The following EPHA6 variants were observed in gnomAD, a reference collection of about 807,000 sequenced individuals.
The protein encoded by EPHA6 is EPH receptor A6.
A neutral mutation model predicts 112.0 loss-of-function variants in EPHA6; 50 were observed. The observed-to-expected ratio is 0.45, with a 90% CI of 0.36 to 0.56. The LOEUF is 0.56. EPHA6 is among the 20% of genes least tolerant of loss of function. The probability of loss-of-function intolerance (pLI) is 0.00; values close to 1 mark genes in which losing one functional copy is unlikely to be tolerated. For missense variants in EPHA6, 1,280 were observed against 1,417.4 expected, an observed-to-expected ratio of 0.90 and a Z score of 1.56; for synonymous variants, 529 against 490.7, an observed-to-expected ratio of 1.08 and a Z score of -1.03.
chr3:97,029,622 G>A (rs925349890), intron 3 of EPHA6, among the ~76,000 whole-genome samples: 1 of 152,086 alleles, frequency 6.6e-6, no homozygotes, highest in Non-Finnish European at 1.5e-5. Context: ...AAGAGGAAAA[G>A]AAATTAATGG....
intron 14 of EPHA6, among the ~76,000 whole-genome samples, chr3:97,692,715 A>T (rs898306099): frequency 2.6e-5 from 4 of 152,198 alleles, no homozygotes; most frequent in Admixed American, 2.0e-4. Flanking sequence ...AACTTTTCTG[A>T]AACATTATGT....
intron 5 of EPHA6, among the ~76,000 whole-genome samples, chr3:97,301,314 A>G (rs975126257): frequency 6.6e-6 from 1 of 152,158 alleles, no homozygotes; most frequent in African/African-American, 2.4e-5. Flanking sequence ...AAGGATCACT[A>G]TGAATTCAGC....
intron 2 of EPHA6, among the ~76,000 whole-genome samples, chr3:96,869,265 A>G (rs1438128933): frequency 6.6e-6 from 1 of 151,980 alleles, no homozygotes; most frequent in Non-Finnish European, 1.5e-5. Context: ...ACTAGGCCAA[A>G]GAATGTGTCT....
In EPHA6 at chr3:96,827,835, A is replaced by G. The variant is rs151125434; in HGVS notation, c.385+12827A>G. ...GGTCCCAAATTCCTTTGCATGAATTAAATGGATAGACTTGTTTGGCTGCTA... is the reference window on the plus strand; with the variant it reads ...GGTCCCAAATTCCTTTGCATGAATTGAATGGATAGACTTGTTTGGCTGCTA... On this transcript the variant is annotated intron_variant, in intron 1 of 17. Coordinates refer to ENST00000389672, the MANE Select transcript of EPHA6 (RefSeq NM_001080448.3). Among the ~76,000 whole-genome samples, 29 of 152,294 alleles carry G rather than the reference A, an allele frequency of 1.9e-4. No homozygotes were observed. The East Asian group carries it at 5.4e-3, about 28-fold the overall frequency.
chr3:97,514,729 G>A (rs1459125810), intron 10 of EPHA6, among the ~76,000 whole-genome samples: 5 of 152,098 alleles, frequency 3.3e-5, no homozygotes, highest in Admixed American at 2.0e-4. Flanking sequence ...TCTGGTGATA[G>A]GATTGTTAGC....
intron 9 of EPHA6, among the ~76,000 whole-genome samples, chr3:97,479,741 G>A (rs1217035630): frequency 6.6e-6 from 1 of 152,206 alleles, no homozygotes. Context: ...TGTAGGGACT[G>A]TCTTTTAAAT....
rs1013424745 is a variant in EPHA6, at chr3:97,188,993, ATTT to A, written c.1115-37269_1115-37267del. On this transcript the variant is annotated intron_variant, in intron 3 of 17. Transcript: ENST00000389672. The stretch of plus-strand genomic sequence containing the variant: ...AAAATTGCTATTATTATATTTTATA[ATTT>A]TATATTATCTTTACGATAAAAATTG... Among the ~76,000 whole-genome samples, 12 of 151,932 alleles carry A rather than the reference ATTT, an allele frequency of 7.9e-5. No homozygotes were observed. The East Asian group carries it at 2.3e-3, about 29-fold the overall frequency.
intron 3 of EPHA6, among the ~76,000 whole-genome samples, chr3:97,147,840 T>G (rs1275173997): frequency 3.3e-5 from 5 of 152,026 alleles, no homozygotes; most frequent in Admixed American, 3.3e-4. Flanking sequence ...GTATTCTGGA[T>G]TCAGTACTAG....
chr3:97,160,386 C>T (rs1447577115), intron 3 of EPHA6, among the ~76,000 whole-genome samples: 1 of 152,084 alleles, frequency 6.6e-6, no homozygotes, highest in Non-Finnish European at 1.5e-5. Flanking sequence ...AAGCGATTCT[C>T]CTGCCTCAGC....
At chr3:97,543,599 A>T (rs1172904044) in intron 11 of EPHA6, among the ~76,000 whole-genome samples, 2 of 152,266 alleles carry the variant, frequency 1.3e-5, no homozygotes, top group African/African-American at 4.8e-5. Flanking sequence ...GTTCCATATG[A>T]ACTTTAAAGT....
chr3:96,898,242 T>G (rs75349000), intron 2 of EPHA6, among the ~76,000 whole-genome samples: 10,540 of 152,232 alleles, frequency 0.069, 723 homozygotes, highest in Admixed American at 0.21. Context: ...TTGAAAAATA[T>G]TAAAGCAGTG....
chr3:96,931,806 C>T (rs2040340455), intron 2 of EPHA6, among the ~76,000 whole-genome samples: 1 of 152,196 alleles, frequency 6.6e-6, no homozygotes, highest in African/African-American at 2.4e-5. Context: ...CAGAATACCG[C>T]TGCTTGGCTC....
chr3:97,543,637 C>T (rs1489301574), intron 11 of EPHA6, among the ~76,000 whole-genome samples: 2 of 152,050 alleles, frequency 1.3e-5, no homozygotes, highest in African/African-American at 2.4e-5. Context: ...TGAAGAAAGT[C>T]GTTGGTAGCT....
In EPHA6 at chr3:97,736,464, A is replaced by AGT. The variant is rs1553681773; in HGVS notation, c.3128+347_3128+348insTG. Reference sequence around the variant, plus strand: ...TTTAGAAGTAGAGAGAGAGAGAGAGAGAGAGAGTGTGTGTGTGTGTGTGTG... The same window carrying AGT: ...TTTAGAAGTAGAGAGAGAGAGAGAGAGTGAGAGAGTGTGTGTGTGTGTGTGTG... On this transcript the variant is annotated intron_variant, in intron 16 of 17. Coordinates refer to ENST00000389672, the MANE Select transcript of EPHA6 (RefSeq NM_001080448.3). 1.9e-3 allele frequency among the ~76,000 whole-genome samples: 268 copies of AGT among 143,322 alleles called. 1 individual carries two copies. Among genetic ancestry groups the AGT allele is most frequent in the East Asian group, 3.6e-3 (17 of 4,762 alleles). 94.0% of individuals were successfully genotyped at this position (143,322 alleles called of 152,430 possible). A position where few individuals can be genotyped will look rare whatever the true frequency, so the allele number is the denominator to read the frequency against.
chr3:97,436,854 G>A (rs1385995687), intron 6 of EPHA6, among the ~76,000 whole-genome samples: 1 of 151,962 alleles, frequency 6.6e-6, no homozygotes, highest in Admixed American at 6.6e-5. Flanking sequence ...CTCTTAATCT[G>A]TCCTATAATC....
chr3:96,906,085 G>T (rs1037155249), intron 2 of EPHA6, among the ~76,000 whole-genome samples: 1 of 152,036 alleles, frequency 6.6e-6, no homozygotes, highest in African/African-American at 2.4e-5. Flanking sequence ...TGAGAAATCA[G>T]TGAGAAACCT....
intron 11 of EPHA6, among the ~76,000 whole-genome samples, chr3:97,577,437 C>T (rs556579943): frequency 6.6e-6 from 1 of 152,046 alleles, no homozygotes; most frequent in South Asian, 2.1e-4. Context: ...AACTTTCTTT[C>T]CTTCCTTTCT....
intron 13 of EPHA6, among the ~76,000 whole-genome samples, chr3:97,637,280 T>G (rs1453071614): frequency 6.6e-6 from 1 of 152,204 alleles, no homozygotes; most frequent in Non-Finnish European, 1.5e-5. Flanking sequence ...CTGTCTTCCC[T>G]GTATAATGAA....
At chr3:97,275,973 C>G (rs970202095) in intron 5 of EPHA6, among the ~76,000 whole-genome samples, 1 of 151,784 alleles carries the variant, frequency 6.6e-6, no homozygotes, top group East Asian at 1.9e-4. Flanking sequence ...GCTGGGCAGG[C>G]GGGGATAACT....
Sources: gnomAD v4.1 joint callset for allele counts (sites outside exome capture counted in the v4.1 genomes callset) on GRCh38, gnomAD v4.1.1 for gene constraint, MANE v1.5 for transcripts, NCBI Gene and HGNC (gene_info 2026-07-23, HGNC 2026-07-21) for gene names.